The following HTR2A variants were observed in gnomAD, a reference collection of about 807,000 sequenced individuals.
The protein encoded by HTR2A is 5-HT2 receptor.
A neutral mutation model predicts 31.0 loss-of-function variants in HTR2A; 14 were observed. That is an observed-to-expected ratio of 0.45 (90% CI 0.30 to 0.71). The LOEUF (loss-of-function observed/expected upper bound fraction) is 0.71. HTR2A is among the 30% of genes least tolerant of loss of function. The probability of loss-of-function intolerance (pLI) is 0.09; values close to 1 mark genes in which losing one functional copy is unlikely to be tolerated. For missense variants in HTR2A, 442 were observed against 573.3 expected (o/e 0.77, Z 2.34); for synonymous variants, 209 against 225.2 (o/e 0.93, Z 0.64).
In HTR2A at chr13:46,879,595, G is replaced by T. The variant is rs1928038; in HGVS notation, c.613+12795C>A. On this transcript the variant is annotated intron_variant, in intron 3 of 3. Coordinates refer to ENST00000542664, the MANE Select transcript of HTR2A (RefSeq NM_000621.5). ...AGATCAGGGGTACAATTGGAAGATG[G>T]GAGTAGAAAAAAACAATTGTGCATG... Among the ~76,000 whole-genome samples the T allele has an allele frequency of 1.1e-3, 165 of 152,276 alleles. 1 individual carries two copies. Among genetic ancestry groups the T allele is most frequent in the Middle Eastern group, 3.4e-3 (1 of 294 alleles).
At chr13:46,839,394 TG>T in intron 3 of HTR2A, among the ~76,000 whole-genome samples, 1 of 152,138 alleles carries the variant, frequency 6.6e-6, no homozygotes, top group Non-Finnish European at 1.5e-5. Context: ...ATAGGCTTTG[TG>T]GGTACAATCA....
chr13:46,898,003 C>A (rs960035973), upstream of HTR2A, among the ~76,000 whole-genome samples: 1 of 152,110 alleles, frequency 6.6e-6, no homozygotes, highest in Non-Finnish European at 1.5e-5. Flanking sequence ...TGCTGTTATC[C>A]GCGACTCTTC....
rs146209946 is a variant in HTR2A, at chr13:46,844,113, T to C, written c.614-8474A>G. ...TTCACACTTTCAATATCTTAGAATT[T>C]TTCTCTAGACATGTCATTATATTCA... On this transcript the variant is annotated intron_variant, in intron 3 of 3. Transcript: ENST00000542664. 2.8e-3 allele frequency among the ~76,000 whole-genome samples: 430 copies of C among 152,340 alleles called. 8 individuals carry two copies. The South Asian group carries it at 0.051, about 18-fold the overall frequency.
chr13:46,845,801 A>G (rs765177476), intron 3 of HTR2A, among the ~76,000 whole-genome samples: 17 of 152,312 alleles, frequency 1.1e-4, no homozygotes, highest in Non-Finnish European at 2.1e-4. Flanking sequence ...ACCCTCTTAA[A>G]AGGGTGAATG....
chr13:46,888,600 T>G lies in HTR2A; in HGVS notation c.613+3790A>C, dbSNP rs544821798. On this transcript the variant is annotated intron_variant, in intron 3 of 3. Coordinates refer to ENST00000542664, the MANE Select transcript of HTR2A (RefSeq NM_000621.5). ...CGACATGATATTCTAGAGGAAATTCTTCAGGAATGAGGAACCCAGGCAAAA... is the reference window on the plus strand; with the variant it reads ...CGACATGATATTCTAGAGGAAATTCGTCAGGAATGAGGAACCCAGGCAAAA... Among the ~76,000 whole-genome samples the G allele has an allele frequency of 6.6e-5, 10 of 152,258 alleles. No homozygotes were observed. The East Asian group carries it at 1.9e-3, about 29-fold the overall frequency.
chr13:46,841,424 C>T (rs1417204765), intron 3 of HTR2A, among the ~76,000 whole-genome samples: 1 of 152,080 alleles, frequency 6.6e-6, no homozygotes, highest in East Asian at 1.9e-4. Context: ...TTATAATCAA[C>T]ATTTAGTTTC....
chr13:46,885,028 G>A (rs532207612), intron 3 of HTR2A, among the ~76,000 whole-genome samples: 2 of 152,160 alleles, frequency 1.3e-5, no homozygotes, highest in Non-Finnish European at 1.5e-5. Context: ...TGAAACCAAG[G>A]ATACTAAACT....
intron 3 of HTR2A, among the ~76,000 whole-genome samples, chr13:46,871,377 T>C (rs1243975448): frequency 6.6e-6 from 1 of 152,284 alleles, no homozygotes; most frequent in South Asian, 2.1e-4. Context: ...AGAGGCTGGA[T>C]TGAAAAACAA....
chr13:46,877,445 T>C (rs761845601), intron 3 of HTR2A, among the ~76,000 whole-genome samples: 6 of 152,176 alleles, frequency 3.9e-5, no homozygotes, highest in Non-Finnish European at 5.9e-5. Flanking sequence ...AGTTTATTCT[T>C]ATATAAAGGT....
At chr13:46,856,463 A>T (rs1950738483) in intron 3 of HTR2A, among the ~76,000 whole-genome samples, 1 of 152,134 alleles carries the variant, frequency 6.6e-6, no homozygotes, top group African/African-American at 2.4e-5. Context: ...CTTTTAAATG[A>T]ATGTGAGGCT....
At chr13:46,882,359 G>A (rs1950973561) in intron 3 of HTR2A, among the ~76,000 whole-genome samples, 2 of 152,200 alleles carry the variant, frequency 1.3e-5, no homozygotes, top group Non-Finnish European at 2.9e-5. Context: ...GAATGCAGTA[G>A]ATGGCAAAGG....
In HTR2A at chr13:46,876,663, G is replaced by A. The variant is rs961059911; in HGVS notation, c.613+15727C>T. Among the ~76,000 whole-genome samples, 10 of 151,618 alleles carry A rather than the reference G, an allele frequency of 6.6e-5. No individual in the cohort carries two copies. In the South Asian group the frequency reaches 1.5e-3, roughly 22 times the overall value. On this transcript the variant is annotated intron_variant, in intron 3 of 3. Transcript: ENST00000542664. ...GATCTCCTGACCTTGTGATCCATCCGCCTCGGCCTCCCAAAGTGCTGGGAT... is the reference window on the plus strand; with the variant it reads ...GATCTCCTGACCTTGTGATCCATCCACCTCGGCCTCCCAAAGTGCTGGGAT...
intron 3 of HTR2A, among the ~76,000 whole-genome samples, chr13:46,889,235 A>G (rs917920298): frequency 6.6e-6 from 1 of 152,204 alleles, no homozygotes; most frequent in African/African-American, 2.4e-5. Flanking sequence ...ATCAAGAAGC[A>G]TCACTAGATA....
chr13:46,854,711 A>G (rs559370471), intron 3 of HTR2A, among the ~76,000 whole-genome samples: 2 of 152,322 alleles, frequency 1.3e-5, no homozygotes, highest in East Asian at 3.9e-4. Flanking sequence ...TCCTAGGCAC[A>G]GAGATGTGAT....
chr13:46,862,018 C>T (rs1004295371), intron 3 of HTR2A, among the ~76,000 whole-genome samples: 1 of 152,196 alleles, frequency 6.6e-6, no homozygotes, highest in South Asian at 2.1e-4. Context: ...TATTGCCTGT[C>T]CTTTACTTTC....
chr13:46,859,247 T>G (rs1490530256), intron 3 of HTR2A, among the ~76,000 whole-genome samples: 1 of 152,216 alleles, frequency 6.6e-6, no homozygotes, highest in Non-Finnish European at 1.5e-5. Context: ...CATGGCTGAT[T>G]CCTCTCATTC....
At chr13:46,868,589 T>C (rs1950838424) in intron 3 of HTR2A, among the ~76,000 whole-genome samples, 1 of 152,186 alleles carries the variant, frequency 6.6e-6, no homozygotes. Context: ...TAAATATAGT[T>C]CTTTGAAAGA....
At chr13:46,839,497 A>T (rs773461204) in intron 3 of HTR2A, among the ~76,000 whole-genome samples, 2 of 152,204 alleles carry the variant, frequency 1.3e-5, no homozygotes, top group Non-Finnish European at 2.9e-5. Context: ...GGCATTAATT[A>T]TCTGGCTGCT....
chr13:46,848,693 C>G lies in HTR2A; in HGVS notation c.614-13054G>C, dbSNP rs575896778. ...CACAAGCTAAGACTCAAATCTACATCTGATTTGTTTTCTTCTGTACTTCCA... is the reference window on the plus strand; with the variant it reads ...CACAAGCTAAGACTCAAATCTACATGTGATTTGTTTTCTTCTGTACTTCCA... On this transcript the variant is annotated intron_variant, in intron 3 of 3. Transcript: ENST00000542664. Among the ~76,000 whole-genome samples the G allele has an allele frequency of 3.3e-5, 5 of 152,336 alleles. No homozygotes were observed. In the South Asian group the frequency reaches 1.0e-3, roughly 32 times the overall value.
Sources: gnomAD v4.1 joint callset for allele counts (sites outside exome capture counted in the v4.1 genomes callset) on GRCh38, gnomAD v4.1.1 for gene constraint, MANE v1.5 for transcripts, NCBI Gene and HGNC (gene_info 2026-07-23, HGNC 2026-07-21) for gene names.